The following ANKS1B variants were observed in gnomAD, a reference collection of about 807,000 sequenced individuals.
The protein encoded by ANKS1B is ankyrin repeat and sterile alpha motif domain-containing protein 1B.
A neutral mutation model predicts 148.3 loss-of-function variants in ANKS1B; 36 were observed. That is an observed-to-expected ratio of 0.24 (90% CI 0.19 to 0.32). The LOEUF is 0.32. ANKS1B is among the 10% of genes least tolerant of loss of function. The probability of loss-of-function intolerance (pLI) is 1.00; values close to 1 mark genes in which losing one functional copy is unlikely to be tolerated. For synonymous variants in ANKS1B, 542 were observed against 560.8 expected, an observed-to-expected ratio of 0.97 and a Z score of 0.47; for missense variants, 1,157 against 1,542.6, an observed-to-expected ratio of 0.75 and a Z score of 4.19.
intron 17 of ANKS1B, among the ~76,000 whole-genome samples, chr12:98,892,112 T>C (rs1051862159): frequency 3.3e-5 from 5 of 152,260 alleles, no homozygotes; most frequent in Non-Finnish European, 5.9e-5. Flanking sequence ...GATATTACTA[T>C]GACATATGTT....
intron 1 of ANKS1B, among the ~76,000 whole-genome samples, chr12:99,880,918 C>A (rs531970997): frequency 6.6e-6 from 1 of 152,136 alleles, no homozygotes; most frequent in African/African-American, 2.4e-5. Context: ...CCACTAGAAC[C>A]CTTAGCCAGA....
intron 1 of ANKS1B, among the ~76,000 whole-genome samples, chr12:99,955,622 T>G (rs1007816059): frequency 6.6e-6 from 1 of 151,244 alleles, no homozygotes; most frequent in Non-Finnish European, 1.5e-5. Context: ...AACAACAGTT[T>G]ACATGTGTTA....
intron 8 of ANKS1B, among the ~76,000 whole-genome samples, chr12:99,667,759 G>A (rs1246788017): frequency 6.6e-6 from 1 of 152,134 alleles, no homozygotes; most frequent in African/African-American, 2.4e-5. Flanking sequence ...TTTACTAAAA[G>A]TTTGTATCAT....
At chr12:99,773,946 C>A (rs1241198853) in intron 7 of ANKS1B, among the ~76,000 whole-genome samples, 1 of 151,978 alleles carries the variant, frequency 6.6e-6, no homozygotes. Context: ...AGTGGATAGC[C>A]ACATGCAAAA....
chr12:99,931,613 C>T (rs2094617456), intron 1 of ANKS1B, among the ~76,000 whole-genome samples: 1 of 151,986 alleles, frequency 6.6e-6, no homozygotes, highest in African/African-American at 2.4e-5. Context: ...ATATAAGCAA[C>T]ATCAATGAAA....
intron 1 of ANKS1B, among the ~76,000 whole-genome samples, chr12:99,940,517 T>C (rs1352936778): frequency 1.2e-4 from 18 of 152,112 alleles, no homozygotes; most frequent in Admixed American, 9.2e-4. Flanking sequence ...ATTCACATCC[T>C]GGTCTCTCCC....
At chr12:99,131,618 T>G (rs2066111820) in intron 15 of ANKS1B, among the ~76,000 whole-genome samples, 1 of 152,196 alleles carries the variant, frequency 6.6e-6, no homozygotes, top group Non-Finnish European at 1.5e-5. Context: ...ACAGGCCATT[T>G]CTCCCTGTCT....
chr12:99,775,474 A>T, intron 7 of ANKS1B, 74 bp downstream of exon 7: 2 of 975,004 alleles, frequency 2.1e-6, no homozygotes, highest in Non-Finnish European at 3.2e-6. Flanking sequence ...GATATAACCT[A>T]TTAGACTTGA....
intron 15 of ANKS1B, among the ~76,000 whole-genome samples, chr12:99,126,441 T>A (rs1400331280): frequency 6.6e-6 from 1 of 152,164 alleles, no homozygotes; most frequent in African/African-American, 2.4e-5. Context: ...GTTTAGCAAA[T>A]TTTCTGTGCA....
intron 10 of ANKS1B, among the ~76,000 whole-genome samples, chr12:99,484,373 G>T (rs924164528): frequency 6.6e-6 from 1 of 151,658 alleles, no homozygotes; most frequent in Admixed American, 6.6e-5. Context: ...TTATGATTTC[G>T]ATTTTTAAAA....
At chr12:99,216,131 T>C (rs2084140156) in intron 14 of ANKS1B, among the ~76,000 whole-genome samples, 1 of 152,234 alleles carries the variant, frequency 6.6e-6, no homozygotes, top group Non-Finnish European at 1.5e-5. Context: ...ACATGCTCTC[T>C]TGCCTGCCAC....
intron 9 of ANKS1B, among the ~76,000 whole-genome samples, chr12:98,736,188 A>T (rs2097772151): frequency 6.6e-6 from 1 of 152,194 alleles, no homozygotes; most frequent in African/African-American, 2.4e-5. Context: ...AGCTTTAACG[A>T]ATCACCCAGG....
At chr12:99,729,867 A>T (rs1024700580) in intron 8 of ANKS1B, among the ~76,000 whole-genome samples, 8 of 152,200 alleles carry the variant, frequency 5.3e-5, no homozygotes, top group Admixed American at 4.6e-4. Flanking sequence ...CTCTGTAAGT[A>T]ATGAGTATTT....
At chr12:99,235,809 C>A (rs939549606) in intron 14 of ANKS1B, among the ~76,000 whole-genome samples, 1 of 152,148 alleles carries the variant, frequency 6.6e-6, no homozygotes, top group African/African-American at 2.4e-5. Flanking sequence ...GGGGCCCAGC[C>A]GAGTTAGAAT....
intron 10 of ANKS1B, among the ~76,000 whole-genome samples, chr12:99,478,365 T>C (rs1025684437): frequency 6.6e-6 from 1 of 152,144 alleles, no homozygotes; most frequent in African/African-American, 2.4e-5. Context: ...TGGGTAGTAT[T>C]TGAATGGCTG....
chr12:99,574,616 A>C (rs2097497603), intron 9 of ANKS1B, among the ~76,000 whole-genome samples: 1 of 152,128 alleles, frequency 6.6e-6, no homozygotes, highest in Admixed American at 6.6e-5. Flanking sequence ...TGGGAATGCA[A>C]GGTTGAGTTA....
rs1393512722 is a variant in ANKS1B at position 99,719,390 on chromosome 12, C to T, written c.1128+53532G>A. Among the ~76,000 whole-genome samples the T allele has an allele frequency of 2.0e-5, 3 of 152,282 alleles. No individual in the cohort carries two copies. In the East Asian group the frequency reaches 5.8e-4, roughly 29 times the overall value. ...TTATTCCTGATACCACACCTGACCC[C>T]CATGACTGTATCTCTCTGATCCACC... On this transcript the variant is annotated intron_variant, in intron 8 of 26. Coordinates refer to ENST00000683438, the MANE Select transcript of ANKS1B (RefSeq NM_001352186.2).
chr12:99,668,902 T>C (rs1230274221), intron 8 of ANKS1B, among the ~76,000 whole-genome samples: 3 of 152,190 alleles, frequency 2.0e-5, no homozygotes, highest in African/African-American at 7.2e-5. Flanking sequence ...TCGTTCCTTC[T>C]GCAATGACAG....
At position 98,829,819 on chromosome 12, in the gene ANKS1B, A is replaced by G. The variant is rs1479361283; in HGVS notation, c.2887-466T>C. On this transcript the variant is annotated intron_variant, in intron 18 of 26. Coordinates refer to ENST00000683438, the MANE Select transcript of ANKS1B (RefSeq NM_001352186.2). The surrounding 1 kb of genome is among the most constrained non-coding windows in gnomAD (Gnocchi z 5.2). ...AGAGGACACAGTACGGCAACACAGC[A>G]TGTCACACGCACAGACTGCAGAGCA... Among the ~76,000 whole-genome samples the G allele has an allele frequency of 6.6e-6, 1 of 152,224 alleles. No homozygotes were observed. The highest frequency in any genetic ancestry group is 1.5e-5 in the Non-Finnish European group (1 of 68,038).
Sources: gnomAD v4.1 joint callset for allele counts (sites outside exome capture counted in the v4.1 genomes callset) on GRCh38, gnomAD v4.1.1 for gene constraint, Gnocchi (gnomAD v3.1) non-coding constraint, MANE v1.5 for transcripts, NCBI Gene and HGNC (gene_info 2026-07-23, HGNC 2026-07-21) for gene names.